The following GALNT17 variants were observed in gnomAD, a reference collection of about 807,000 sequenced individuals.
The protein encoded by GALNT17 is polypeptide N-acetylgalactosaminyltransferase 17.
GALNT17 carries 29 observed loss-of-function variants against 63.7 expected under a neutral mutation model. The observed-to-expected ratio is 0.46, with a 90% CI of 0.34 to 0.62. The LOEUF is 0.62. Ranked by LOEUF, GALNT17 falls within the 20% of genes least tolerant of loss-of-function variation. The pLI is 0.01. For missense variants in GALNT17, 603 were observed against 799.6 expected (o/e 0.75, Z 2.97); for synonymous variants, 305 against 318.3 (o/e 0.96, Z 0.45).
chr7:71,637,989 A>G lies in GALNT17; in HGVS notation c.1081-27422A>G, dbSNP rs539371047. ...CTGCTGGTTGCCCATGTTTATGGTTATTTCTTGATGATATGCTAAACAAGA... is the reference window on the plus strand; with the variant it reads ...CTGCTGGTTGCCCATGTTTATGGTTGTTTCTTGATGATATGCTAAACAAGA... On this transcript the variant is annotated intron_variant, in intron 6 of 10. Transcript: ENST00000333538. Among the ~76,000 whole-genome samples, 60 of 152,290 alleles carry G rather than the reference A, an allele frequency of 3.9e-4. 1 individual carries two copies. The South Asian group carries it at 9.5e-3, about 24-fold the overall frequency.
At chr7:71,605,874 C>G (rs1416370331) in intron 6 of GALNT17, among the ~76,000 whole-genome samples, 1 of 152,112 alleles carries the variant, frequency 6.6e-6, no homozygotes, top group Non-Finnish European at 1.5e-5. Flanking sequence ...GAGGCTTACC[C>G]ATTTGATTGA....
rs191041447 is a variant in GALNT17, at chr7:71,390,153, G to A, written c.589+1752G>A. Among the ~76,000 whole-genome samples the A allele has an allele frequency of 2.9e-4, 44 of 152,304 alleles. 3 individuals are homozygous for A. The East Asian group carries it at 2.9e-3, about 10-fold the overall frequency. ...CTCAGCAACTACAGGATTAGGAGTA[G>A]GCTAAACCCCTTCCTTTCATCGTGC... is the stretch of plus-strand genomic sequence containing the variant. On this transcript the variant is annotated intron_variant, in intron 3 of 10. Coordinates refer to ENST00000333538, the MANE Select transcript of GALNT17 (RefSeq NM_022479.3).
chr7:71,323,585 A>G (rs1791653852), intron 1 of GALNT17, among the ~76,000 whole-genome samples: 2 of 152,364 alleles, frequency 1.3e-5, no homozygotes, highest in South Asian at 4.1e-4. Flanking sequence ...CATCATCATA[A>G]TTCAGTTGTC....
chr7:71,294,681 C>T (rs993636384), intron 1 of GALNT17, among the ~76,000 whole-genome samples: 1 of 152,100 alleles, frequency 6.6e-6, no homozygotes, highest in African/African-American at 2.4e-5. Flanking sequence ...TCCCAAACTG[C>T]TGGGATTACA....
chr7:71,603,317 T>G (rs1789995093), intron 6 of GALNT17, among the ~76,000 whole-genome samples: 1 of 151,596 alleles, frequency 6.6e-6, no homozygotes, highest in African/African-American at 2.4e-5. Context: ...CCAGGTACTA[T>G]GCTAGTGCAT....
intron 5 of GALNT17, among the ~76,000 whole-genome samples, chr7:71,456,942 G>C (rs1366400189): frequency 6.6e-6 from 1 of 152,130 alleles, no homozygotes; most frequent in Non-Finnish European, 1.5e-5. Context: ...GGGACAACTC[G>C]AAGCGGGGGG....
intron 6 of GALNT17, among the ~76,000 whole-genome samples, chr7:71,634,588 T>A (rs924635029): frequency 1.3e-5 from 2 of 151,748 alleles, no homozygotes; most frequent in African/African-American, 4.8e-5. Context: ...ACTCCGTCTC[T>A]ATTAAAAATA....
intron 5 of GALNT17, among the ~76,000 whole-genome samples, chr7:71,468,677 A>G (rs1271569433): frequency 1.3e-5 from 2 of 152,010 alleles, no homozygotes; most frequent in Non-Finnish European, 2.9e-5. Flanking sequence ...TAGGCCTCCC[A>G]AAGTGCTGGG....
intron 3 of GALNT17, among the ~76,000 whole-genome samples, chr7:71,406,281 A>G (rs993942671): frequency 2.6e-5 from 4 of 152,192 alleles, no homozygotes; most frequent in African/African-American, 7.2e-5. Context: ...CTGCCTCCCC[A>G]GTTGGTATTC....
At chr7:71,366,271 G>A (rs1462288161) in intron 2 of GALNT17, among the ~76,000 whole-genome samples, 1 of 152,028 alleles carries the variant, frequency 6.6e-6, no homozygotes, top group Non-Finnish European at 1.5e-5. Flanking sequence ...GGGGACCTGT[G>A]ATCTAGGTGT....
At chr7:71,358,317 C>T (rs769888487) in intron 2 of GALNT17, among the ~76,000 whole-genome samples, 1 of 152,210 alleles carries the variant, frequency 6.6e-6, no homozygotes. Context: ...ATCACTTGAA[C>T]GCCGGAGGCG....
intron 1 of GALNT17, among the ~76,000 whole-genome samples, chr7:71,188,066 A>AT (rs1788886338): frequency 6.6e-6 from 1 of 152,152 alleles, no homozygotes; most frequent in African/African-American, 2.4e-5. Context: ...TAATTCATTC[A>AT]TTTTTATGAC....
chr7:71,547,686 TAATG>T (rs1290928273), intron 5 of GALNT17, among the ~76,000 whole-genome samples: 1 of 152,128 alleles, frequency 6.6e-6, no homozygotes, highest in East Asian at 1.9e-4. Flanking sequence ...TTTTCATTGA[TAATG>T]AAAGCAGTTT....
intron 1 of GALNT17, among the ~76,000 whole-genome samples, chr7:71,264,006 A>G (rs749267831): frequency 4.6e-5 from 7 of 152,174 alleles, no homozygotes; most frequent in African/African-American, 1.7e-4. Flanking sequence ...GTTTTCTGGC[A>G]TCTTCCTAGG....
At chr7:71,428,474 C>T (rs2107799) in intron 5 of GALNT17, among the ~76,000 whole-genome samples, 86,067 of 151,840 alleles carry the variant, frequency 0.57, 26,210 homozygotes, top group Non-Finnish European at 0.69. Flanking sequence ...GAATCTCTCC[C>T]TGTCACCCAA....
At chr7:71,664,069 G>T (rs1790947728) in intron 6 of GALNT17, among the ~76,000 whole-genome samples, 2 of 149,296 alleles carry the variant, frequency 1.3e-5, no homozygotes, top group South Asian at 4.2e-4. Flanking sequence ...ACCAAGAGAA[G>T]TTGGATAGTC....
chr7:71,197,755 A>G (rs1789081823), intron 1 of GALNT17, among the ~76,000 whole-genome samples: 1 of 152,098 alleles, frequency 6.6e-6, no homozygotes, highest in Admixed American at 6.5e-5. Context: ...AGTTTTATCC[A>G]TGTTGTTGCA....
chr7:71,679,810 C>A (rs1290775251), intron 9 of GALNT17, among the ~76,000 whole-genome samples: 1 of 151,958 alleles, frequency 6.6e-6, no homozygotes, highest in African/African-American at 2.4e-5. Context: ...GGCCCCATCC[C>A]CAGAGTTTTT....
At chr7:71,593,771 CA>C (rs1210087573) in intron 6 of GALNT17, among the ~76,000 whole-genome samples, 1 of 152,196 alleles carries the variant, frequency 6.6e-6, no homozygotes. Context: ...GTGCGTTGGA[CA>C]ACTCCACAAA....
Sources: allele counts gnomAD v4.1 joint callset (sites outside exome capture counted in the v4.1 genomes callset), GRCh38; gene constraint gnomAD v4.1.1; transcripts MANE v1.5; gene names NCBI Gene and HGNC (gene_info 2026-07-23, HGNC 2026-07-21).